ATXN10: variants seen among roughly 807,000 people sequenced by gnomAD.
ATXN10 encodes the protein ataxin 10, also known as ataxin-10.
In ATXN10, 28 loss-of-function variants were observed where a neutral mutation model predicts 52.9. That is an observed-to-expected ratio of 0.53 (90% CI 0.39 to 0.73). The LOEUF is 0.73. ATXN10 is among the 30% of genes least tolerant of loss of function. The probability of loss-of-function intolerance (pLI) is 0.00; values close to 1 mark genes in which losing one functional copy is unlikely to be tolerated. For missense variants in ATXN10, 565 were observed against 577.0 expected (o/e 0.98, Z 0.21); for synonymous variants, 226 against 221.5 (o/e 1.02, Z -0.18).
chr22:45,791,901 A>C (rs1373048940), intron 9 of ATXN10, among the ~76,000 whole-genome samples: 3 of 152,062 alleles, frequency 2.0e-5, no homozygotes, highest in African/African-American at 7.2e-5. Context: ...CTTGAGAGCT[A>C]TTTGCGTCTT....
intron 10 of ATXN10, among the ~76,000 whole-genome samples, chr22:45,838,526 T>G (rs1283667818): frequency 6.6e-6 from 1 of 152,240 alleles, no homozygotes; most frequent in Non-Finnish European, 1.5e-5. Flanking sequence ...AAGCATACAA[T>G]AAAGCACTTC....
At position 45,792,856 on chromosome 22, in the gene ATXN10, C is replaced by T. The variant is rs768906702; in HGVS notation, c.1174-14103C>T. 23 of 511,196 alleles carry T rather than the reference C, an allele frequency of 4.5e-5. No homozygotes were observed. In the Middle Eastern group the frequency reaches 1.0e-3, roughly 23 times the overall value. 31.7% of individuals were successfully genotyped at this position (511,196 alleles called of 1,614,324 possible). On this transcript the variant is annotated intron_variant, in intron 9 of 11. Transcript: ENST00000252934. ...GTCATTGGCTTTGGTGAAAAACCTT[C>T]GACATTTTTACTGACTTTGTTAAAT...
In ATXN10 at chr22:45,795,717, G is replaced by A. The variant is rs1927711883; in HGVS notation, c.1174-11242G>A. ...TTCCCCAAATTAATACTTTTATAAT[G>A]TCTTACACCTGTCTTTACTGCAGTC... On this transcript the variant is annotated intron_variant, in intron 9 of 11. Transcript: ENST00000252934. The surrounding 1 kb of genome is among the most constrained non-coding windows in gnomAD (Gnocchi z 4.6). Among the ~76,000 whole-genome samples the A allele has an allele frequency of 6.6e-6, 1 of 152,120 alleles. No homozygotes were observed. The highest frequency in any genetic ancestry group is 1.5e-5 in the Non-Finnish European group (1 of 68,022).
rs139831917 is a variant in ATXN10 at position 45,776,456 on chromosome 22, A to G, written c.1174-30503A>G. ...ATTTTCCCCTCTCAGGAAAGTTCAC[A>G]CACCCACAGCCATATGAAGTTTTTC... On this transcript the variant is annotated intron_variant, in intron 9 of 11. Transcript: ENST00000252934. Among the ~76,000 whole-genome samples, 620 of 151,004 alleles carry G rather than the reference A, an allele frequency of 4.1e-3. 4 individuals carry two copies. Among genetic ancestry groups the G allele is most frequent in the African/African-American group, 0.015 (599 of 41,130 alleles).
intron 1 of ATXN10, chr22:45,679,900 A>G (rs148537735): frequency 2.6e-5 from 4 of 152,356 alleles, no homozygotes; most frequent in African/African-American, 7.2e-5. Flanking sequence ...TAGACAGGAA[A>G]GAGTTTGAGC....
chr22:45,741,827 C>T (rs373157117), intron 9 of ATXN10, among the ~76,000 whole-genome samples: 7 of 152,256 alleles, frequency 4.6e-5, no homozygotes, highest in African/African-American at 1.4e-4. Context: ...TTGACACAAA[C>T]GGGCAGATTC....
At chr22:45,682,474 T>G (rs955726442) in intron 1 of ATXN10, among the ~76,000 whole-genome samples, 2 of 150,844 alleles carry the variant, frequency 1.3e-5, no homozygotes, top group African/African-American at 4.8e-5. Context: ...CACCCGGCTA[T>G]TTTTTAAATT....
chr22:45,809,256 C>G (rs1415642557), intron 10 of ATXN10, among the ~76,000 whole-genome samples: 1 of 152,166 alleles, frequency 6.6e-6, no homozygotes, highest in Non-Finnish European at 1.5e-5. Context: ...AGGCCATTCC[C>G]AAAGAATTAT....
chr22:45,718,295 T>A lies in ATXN10; in HGVS notation c.648-118T>A. The A allele has an allele frequency of 1.1e-5, 9 of 836,050 alleles. No individual in the cohort carries two copies. The highest frequency in any genetic ancestry group is 1.7e-5 in the Non-Finnish European group (8 of 479,248). The allele number at this position is 836,050 out of a possible 1,614,324, so 51.8% of individuals were successfully genotyped here. ...TTAAGACATTTAAGATTACAGCAAATCAAAAATTCACTGAAAAGAAATGCT... is the reference window on the plus strand; with the variant it reads ...TTAAGACATTTAAGATTACAGCAAAACAAAAATTCACTGAAAAGAAATGCT... On this transcript the variant is annotated intron_variant, in intron 5 of 11. Transcript: ENST00000252934. This position sits in a 1 kb window ranked among gnomAD's most constrained non-coding sequence, Gnocchi z 4.4.
At position 45,819,390 on chromosome 22, in the gene ATXN10, G is replaced by C. The variant is rs1928576310; in HGVS notation, c.1237+12368G>C. 6.6e-6 allele frequency among the ~76,000 whole-genome samples: 1 copy of C among 152,186 alleles called. No homozygotes were observed. Among genetic ancestry groups the C allele is most frequent in the Non-Finnish European group, 1.5e-5 (1 of 68,034 alleles). On this transcript the variant is annotated intron_variant, in intron 10 of 11. Transcript: ENST00000252934. The surrounding 1 kb of genome is among the most constrained non-coding windows in gnomAD (Gnocchi z 4.5). ...TTTCCTTCAAATGCTGCCTCTGTGGGTAGGAAGCACACTCTGATTCCACTG... is the reference window on the plus strand; with the variant it reads ...TTTCCTTCAAATGCTGCCTCTGTGGCTAGGAAGCACACTCTGATTCCACTG...
intron 9 of ATXN10, among the ~76,000 whole-genome samples, chr22:45,758,729 C>T (rs992123598): frequency 2.0e-5 from 3 of 152,238 alleles, no homozygotes. Flanking sequence ...TGTAACTGAA[C>T]GTGGACTTGA....
Position 45,775,643 on chromosome 22 carries a change from C to T in ATXN10, c.1174-31316C>T, listed in dbSNP as rs1257668553. ...GTGTAATGACACTGTTTTTCTCCTT[C>T]GTGTGACTATTTATAATAAAAATGT... On this transcript the variant is annotated intron_variant, in intron 9 of 11. Transcript: ENST00000252934. This position sits in a 1 kb window ranked among gnomAD's most constrained non-coding sequence, Gnocchi z 4.7. 6.6e-6 allele frequency among the ~76,000 whole-genome samples: 1 copy of T among 152,054 alleles called. No individual in the cohort carries two copies. The highest frequency in any genetic ancestry group is 2.4e-5 in the African/African-American group (1 of 41,374).
rs368485456 is a variant in ATXN10 at position 45,677,789 on chromosome 22, A to G, written c.116+5610A>G. On this transcript the variant is annotated intron_variant, in intron 1 of 11. Coordinates refer to ENST00000252934, the MANE Select transcript of ATXN10 (RefSeq NM_013236.4). The surrounding 1 kb of genome is among the most constrained non-coding windows in gnomAD (Gnocchi z 4.1). ...CTACTGCATGCCGTTTAGGATGGCT[A>G]TTATCCAAAAAATGGAAAAGAACAA... 18 of 152,330 alleles carry G rather than the reference A, an allele frequency of 1.2e-4. No individual in the cohort carries two copies. In the East Asian group the frequency reaches 1.7e-3, roughly 15 times the overall value. The allele number at this position is 152,330 out of a possible 1,614,324, so 9.4% of individuals were successfully genotyped here.
chr22:45,806,823 G>T, intron 9 of ATXN10, 136 bp from the exon 10 acceptor site: 1 of 719,766 alleles, frequency 1.4e-6, no homozygotes, highest in Admixed American at 2.0e-5. Flanking sequence ...GTTCTGGGTT[G>T]ATATAGATAT....
At chr22:45,752,140 G>A (rs1386132913) in intron 9 of ATXN10, among the ~76,000 whole-genome samples, 2 of 152,040 alleles carry the variant, frequency 1.3e-5, no homozygotes, top group African/African-American at 2.4e-5. Flanking sequence ...AGAAATGAAC[G>A]TGCTATTTTG....
Position 45,828,856 on chromosome 22 carries a change from T to G in ATXN10, c.1238-14135T>G, listed in dbSNP as rs1928900529. ...TTTCAAGGGGAACTAATACCAATCC[T>G]TCTCAAACTTTTCCAAAAAAATTGA... On this transcript the variant is annotated intron_variant, in intron 10 of 11. Coordinates refer to ENST00000252934, the MANE Select transcript of ATXN10 (RefSeq NM_013236.4). The surrounding 1 kb of genome is among the most constrained non-coding windows in gnomAD (Gnocchi z 4.5). Among the ~76,000 whole-genome samples, 1 of 152,170 alleles carries G rather than the reference T, an allele frequency of 6.6e-6. No individual in the cohort carries two copies. The highest frequency in any genetic ancestry group is 2.4e-5 in the African/African-American group (1 of 41,432).
rs1376748387 is a variant in ATXN10 at position 45,816,812 on chromosome 22, A to G, written c.1237+9790A>G. Among the ~76,000 whole-genome samples the G allele has an allele frequency of 6.6e-6, 1 of 152,154 alleles. No homozygotes were observed. Among genetic ancestry groups the G allele is most frequent in the African/African-American group, 2.4e-5 (1 of 41,418 alleles). The stretch of plus-strand genomic sequence containing the variant: ...GCATTTTGGAGCTTCCATTTGGGAA[A>G]TTCTGAACTGTAGTGCCACATCTTT... On this transcript the variant is annotated intron_variant, in intron 10 of 11. Transcript: ENST00000252934. This position sits in a 1 kb window ranked among gnomAD's most constrained non-coding sequence, Gnocchi z 5.8.
chr22:45,737,269 C>T (rs1925333109), intron 7 of ATXN10, among the ~76,000 whole-genome samples: 1 of 152,186 alleles, frequency 6.6e-6, no homozygotes, highest in African/African-American at 2.4e-5. Context: ...CCTGTAATAG[C>T]GTCTTTGTTG....
intron 6 of ATXN10, among the ~76,000 whole-genome samples, chr22:45,726,344 T>TA (rs1279591005): frequency 6.6e-6 from 1 of 152,208 alleles, no homozygotes; most frequent in Non-Finnish European, 1.5e-5. Context: ...CACTGGTTGT[T>TA]ACTGGTCTGT....
Sources: allele counts gnomAD v4.1 joint callset (sites outside exome capture counted in the v4.1 genomes callset), GRCh38; gene constraint gnomAD v4.1.1; non-coding constraint Gnocchi (gnomAD v3.1); transcripts MANE v1.5; gene names NCBI Gene and HGNC (gene_info 2026-07-23, HGNC 2026-07-21).